Variants in SLC35D1 observed in about 807,000 individuals in gnomAD.
SLC35D1 encodes solute carrier family 35 member D1.
SLC35D1 carries 31 observed loss-of-function variants against 46.7 expected under a neutral mutation model. That is an observed-to-expected ratio of 0.66 (90% CI 0.50 to 0.90). The LOEUF (loss-of-function observed/expected upper bound fraction) is 0.90. Ranked by LOEUF, SLC35D1 falls within the 40% of genes least tolerant of loss-of-function variation. SLC35D1 has a pLI of 0.00. For missense variants in SLC35D1, 397 were observed against 426.2 expected, an observed-to-expected ratio of 0.93 and a Z score of 0.60; for synonymous variants, 195 against 164.6, an observed-to-expected ratio of 1.18 and a Z score of -1.41.
the SLC35D1 span, among the ~76,000 whole-genome samples, chr1:66,975,574 A>G: frequency 6.6e-6 from 1 of 152,106 alleles, no homozygotes; most frequent in African/African-American, 2.4e-5. Context: ...TTTTATTTAT[A>G]TACATCAGCC....
intron 11 of SLC35D1, among the ~76,000 whole-genome samples, chr1:67,005,588 T>C (rs148474364): frequency 2.6e-5 from 4 of 152,332 alleles, no homozygotes; most frequent in African/African-American, 9.6e-5. Context: ...AATCAAATTA[T>C]TAAAGTCTAC....
At chr1:67,025,385 C>T (rs915391709) in intron 8 of SLC35D1, among the ~76,000 whole-genome samples, 2 of 152,108 alleles carry the variant, frequency 1.3e-5, no homozygotes, top group Non-Finnish European at 2.9e-5. Flanking sequence ...AAAATGATTG[C>T]CCACATGGTA....
downstream of SLC35D1, among the ~76,000 whole-genome samples, chr1:66,995,869 C>A (rs750884833): frequency 2.6e-5 from 4 of 152,116 alleles, no homozygotes; most frequent in Non-Finnish European, 4.4e-5. Flanking sequence ...ACATTGTCCT[C>A]AAAAATATTC....
chr1:67,034,029 A>C (rs923016519), intron 8 of SLC35D1, among the ~76,000 whole-genome samples: 4 of 152,126 alleles, frequency 2.6e-5, no homozygotes, highest in Non-Finnish European at 5.9e-5. Flanking sequence ...CTATTCAGAC[A>C]CATAGATTTC....
At position 67,052,982 on chromosome 1, in the gene SLC35D1, A is replaced by T. The variant is rs201294394; in HGVS notation, c.211T>A (p.Ser71Thr). Residue 71 changes from serine (S) to threonine (T), a missense_variant, in exon 2 of 12, where the codon TCC becomes ACC. By Grantham distance (58) the Ser-to-Thr change is moderately conservative. Coordinates refer to ENST00000235345, the MANE Select transcript of SLC35D1 (RefSeq NM_015139.3). ...KSVLTNYRFP[S>T]SLCVGLGQMV... ...TGGCCAAGTCCAACACATAGTGAGG[A>T]GGGAAATCTACAAAAAGGGCAAAGA... The T allele has an allele frequency of 1.2e-4, 189 of 1,613,882 alleles. No homozygotes were observed. The highest frequency in any genetic ancestry group is 6.1e-5 in the Non-Finnish European group (72 of 1,180,026).
At chr1:66,982,608 A>G in the SLC35D1 span, among the ~76,000 whole-genome samples, 10 of 152,316 alleles carry the variant, frequency 6.6e-5, no homozygotes, top group African/African-American at 1.9e-4. Context: ...GAAGAAAGTA[A>G]TAAGCGCCAC....
chr1:67,023,527 G>A (rs1349013396), intron 8 of SLC35D1, among the ~76,000 whole-genome samples: 3 of 145,068 alleles, frequency 2.1e-5, no homozygotes, highest in South Asian at 2.2e-4. Flanking sequence ...ACCCTGTCGC[G>A]CAGGCTGGAG....
chr1:67,014,419 A>T (rs1237328435), intron 10 of SLC35D1, among the ~76,000 whole-genome samples: 1 of 152,092 alleles, frequency 6.6e-6, no homozygotes, highest in African/African-American at 2.4e-5. Flanking sequence ...AAACTAGTGA[A>T]TTTTACTGGT....
chr1:66,993,188 T>C, the SLC35D1 span, among the ~76,000 whole-genome samples: 2 of 152,192 alleles, frequency 1.3e-5, no homozygotes, highest in African/African-American at 4.8e-5. Flanking sequence ...GCTCTGAGAA[T>C]GGCAGGAATG....
Position 67,004,079 on chromosome 1 carries a change from T to C in SLC35D1, c.*261A>G, listed in dbSNP as rs1667396283. The stretch of plus-strand genomic sequence containing the variant: ...ACACTGATGTTTCACTGTCGGCATA[T>C]AAGAAAAATAAATTAAAAAGCCCAG... On this transcript the variant is annotated 3_prime_UTR_variant, in exon 12 of 12. Coordinates refer to ENST00000235345, the MANE Select transcript of SLC35D1 (RefSeq NM_015139.3). 5.0e-6 allele frequency: 2 copies of C among 396,586 alleles called. No homozygotes were observed. The highest frequency in any genetic ancestry group is 5.2e-5 in the East Asian group (1 of 19,134). The allele number at this position is 396,586 out of a possible 1,614,324, so 24.6% of individuals were successfully genotyped here.
intron 10 of SLC35D1, among the ~76,000 whole-genome samples, chr1:67,017,882 A>T (rs924946555): frequency 6.6e-6 from 1 of 152,110 alleles, no homozygotes; most frequent in African/African-American, 2.4e-5. Flanking sequence ...TTTTCTGCTT[A>T]TCTAGATTTG....
the SLC35D1 span, among the ~76,000 whole-genome samples, chr1:66,993,060 A>G: frequency 3.3e-5 from 5 of 152,192 alleles, no homozygotes; most frequent in Non-Finnish European, 7.3e-5. Flanking sequence ...TTTAGGGAAG[A>G]TGTGTGTTGT....
At position 67,047,381 on chromosome 1, in the gene SLC35D1, GCAACACTTTAAGAA is replaced by G; in HGVS notation, c.534-28_534-15del. 6.2e-7 allele frequency: 1 copy of G among 1,600,382 alleles called. No individual in the cohort carries two copies. The highest frequency in any genetic ancestry group is 8.6e-7 in the Non-Finnish European group (1 of 1,169,384). The stretch of plus-strand genomic sequence containing the variant: ...GCCAAGTCAGAGCTGCAAAACATAA[GCAACACTTTAAGAA>G]CAACTTAAAGAACATGCATTTAATT... On this transcript the variant is annotated splice_polypyrimidine_tract_variant and intron_variant, in intron 6 of 11. Transcript: ENST00000235345.
chr1:67,050,549 T>C, intron 4 of SLC35D1, 45 bp from the exon 5 acceptor site: 1 of 1,504,484 alleles, frequency 6.6e-7, no homozygotes, highest in Admixed American at 1.7e-5. Context: ...TTTAACAATT[T>C]GTTTTAAACT....
chr1:67,002,323 T>A lies in SLC35D1; in HGVS notation c.*2017A>T, dbSNP rs563823338. 1.3e-5 allele frequency: 2 copies of A among 152,454 alleles called. No homozygotes were observed. The highest frequency in any genetic ancestry group is 4.1e-4 in the South Asian group (2 of 4,824). The allele number at this position is 152,454 out of a possible 1,614,324, so 9.4% of individuals were successfully genotyped here. A position where few individuals can be genotyped will look rare whatever the true frequency, so the allele number is the denominator to read the frequency against. On this transcript the variant is annotated 3_prime_UTR_variant, in exon 12 of 12. Transcript: ENST00000235345. Reference sequence around the variant, plus strand: ...AAGTATGCTCCTCTCTGACACCAAATTCAATCAACTGCTTGCTTTTTTGAA... The same window carrying A: ...AAGTATGCTCCTCTCTGACACCAAAATCAATCAACTGCTTGCTTTTTTGAA...
the SLC35D1 span, among the ~76,000 whole-genome samples, chr1:66,977,903 G>A: frequency 6.6e-6 from 1 of 151,846 alleles, no homozygotes; most frequent in Non-Finnish European, 1.5e-5. Context: ...AATTACCTTC[G>A]AAAGATGTGC....
intron 3 of SLC35D1, 95 bp from the exon 4 acceptor site, chr1:67,052,174 ATTT>A: frequency 1.1e-6 from 1 of 913,368 alleles, no homozygotes; most frequent in Non-Finnish European, 1.8e-6. Context: ...TATGATCAAA[ATTT>A]TTTCCACTTA....
At chr1:67,033,802 C>T (rs1003245143) in intron 8 of SLC35D1, among the ~76,000 whole-genome samples, 3 of 152,128 alleles carry the variant, frequency 2.0e-5, no homozygotes, top group African/African-American at 7.2e-5. Flanking sequence ...TTTTCTTCTA[C>T]TAGTTTCATA....
intron 10 of SLC35D1, among the ~76,000 whole-genome samples, chr1:67,018,189 G>C (rs753368852): frequency 2.6e-5 from 4 of 152,124 alleles, no homozygotes; most frequent in Non-Finnish European, 5.9e-5. Flanking sequence ...AAGACAGGAG[G>C]TTGCCTTAGA....
Sources: allele counts gnomAD v4.1 joint callset (sites outside exome capture counted in the v4.1 genomes callset), GRCh38; gene constraint gnomAD v4.1.1; transcripts MANE v1.5; gene names NCBI Gene and HGNC (gene_info 2026-07-23, HGNC 2026-07-21).